PRELID2: variants seen among roughly 807,000 people sequenced by gnomAD.
The protein encoded by PRELID2 is PRELI domain containing 2, also known as PRELI domain-containing protein 2.
In PRELID2, 25 loss-of-function variants were observed where a neutral mutation model predicts 28.4. The observed-to-expected ratio is 0.88, with a 90% CI of 0.64 to 1.23. The LOEUF is 1.23. PRELID2 is among the 50% of genes most tolerant of loss of function. The pLI is 0.00. For synonymous variants in PRELID2, 76 were observed against 71.6 expected, an observed-to-expected ratio of 1.06 and a Z score of -0.31; for missense variants, 201 against 214.4, an observed-to-expected ratio of 0.94 and a Z score of 0.39.
chr5:145,635,547 T>C (rs896710926), intron 1 of PRELID2, among the ~76,000 whole-genome samples: 1 of 152,210 alleles, frequency 6.6e-6, no homozygotes, highest in Admixed American at 6.5e-5. Context: ...ATTTAATTTA[T>C]GTAAGCTGAC....
chr5:145,740,840 CGATAAATATA>C (rs1756676488), intron 1 of PRELID2, among the ~76,000 whole-genome samples: 1 of 104,976 alleles, frequency 9.5e-6, no homozygotes, highest in Non-Finnish European at 1.8e-5. Context: ...ATATATTTAT[CGATAAATATA>C]TATGTACATA....
At chr5:145,534,329 G>A (rs1019937447) in intron 1 of PRELID2, among the ~76,000 whole-genome samples, 6 of 151,906 alleles carry the variant, frequency 3.9e-5, no homozygotes, top group African/African-American at 1.5e-4. Context: ...CAGGAAATGT[G>A]TATTTTATGA....
chr5:145,552,177 G>T (rs79455422), intron 1 of PRELID2, among the ~76,000 whole-genome samples: 8,984 of 152,052 alleles, frequency 0.059, 892 homozygotes, highest in African/African-American at 0.2. Flanking sequence ...AACAGCCTCC[G>T]GATCACACAT....
At chr5:145,444,959 G>A in the PRELID2 span, among the ~76,000 whole-genome samples, 1 of 151,928 alleles carries the variant, frequency 6.6e-6, no homozygotes, top group African/African-American at 2.4e-5. Context: ...TATTACCCAA[G>A]CAATATATAG....
the PRELID2 span, among the ~76,000 whole-genome samples, chr5:145,265,736 G>A: frequency 6.6e-6 from 1 of 152,162 alleles, no homozygotes; most frequent in African/African-American, 2.4e-5. Context: ...AACAAATGGT[G>A]CTGGGATAAT....
chr5:145,408,438 C>CATATATATGTATAATATATATGTATAAT, the PRELID2 span, among the ~76,000 whole-genome samples: 7 of 141,940 alleles, frequency 4.9e-5, no homozygotes, highest in Non-Finnish European at 1.1e-4. Flanking sequence ...ATATGTATAA[C>CATATATATGTATAATATATATGTATAAT]ATATATATGT....
At chr5:145,671,773 C>A (rs936464043) in intron 1 of PRELID2, among the ~76,000 whole-genome samples, 1 of 152,124 alleles carries the variant, frequency 6.6e-6, no homozygotes, top group African/African-American at 2.4e-5. Flanking sequence ...TAAGATATAA[C>A]CTATTCTCCA....
intron 1 of PRELID2, among the ~76,000 whole-genome samples, chr5:145,484,416 G>C (rs1752195293): frequency 6.6e-6 from 1 of 152,180 alleles, no homozygotes; most frequent in Non-Finnish European, 1.5e-5. Context: ...CTCATAGACT[G>C]ACTCATAGAC....
chr5:145,431,257 T>C, the PRELID2 span, among the ~76,000 whole-genome samples: 1 of 152,052 alleles, frequency 6.6e-6, no homozygotes, highest in South Asian at 2.1e-4. Flanking sequence ...AGTTTTTAAG[T>C]AGTAATGTTC....
At chr5:145,434,531 G>A in the PRELID2 span, among the ~76,000 whole-genome samples, 2 of 152,118 alleles carry the variant, frequency 1.3e-5, no homozygotes, top group Non-Finnish European at 2.9e-5. Flanking sequence ...AACAGCCATC[G>A]AGGAATCATT....
At chr5:145,620,733 G>A (rs923575812) in intron 1 of PRELID2, among the ~76,000 whole-genome samples, 21 of 108,954 alleles carry the variant, frequency 1.9e-4, no homozygotes, top group Non-Finnish European at 3.5e-4. Context: ...CAGCTACGTG[G>A]GTGGCTAAGG....
intron 1 of PRELID2, among the ~76,000 whole-genome samples, chr5:145,713,990 T>TA (rs535933406): frequency 2.8e-5 from 4 of 145,210 alleles, no homozygotes; most frequent in Non-Finnish European, 4.6e-5. Flanking sequence ...AAACAAAAAC[T>TA]AAAAAAAAAA....
At chr5:145,358,809 T>C in the PRELID2 span, among the ~76,000 whole-genome samples, 1 of 152,220 alleles carries the variant, frequency 6.6e-6, no homozygotes, top group Non-Finnish European at 1.5e-5. Flanking sequence ...AAAATCATGA[T>C]TGGCAAATTC....
At chr5:145,576,746 G>C (rs1046467678) in intron 1 of PRELID2, among the ~76,000 whole-genome samples, 1 of 151,710 alleles carries the variant, frequency 6.6e-6, no homozygotes, top group Admixed American at 6.6e-5. Context: ...TCAAACAGTA[G>C]TAGTATAGTA....
the PRELID2 span, among the ~76,000 whole-genome samples, chr5:145,344,295 A>G: frequency 1.4e-4 from 22 of 152,198 alleles, no homozygotes; most frequent in African/African-American, 5.3e-4. Context: ...TATCAGAAAG[A>G]TAACACATCA....
At chr5:145,600,434 A>AT (rs1554078383) in intron 1 of PRELID2, among the ~76,000 whole-genome samples, 2,250 of 119,940 alleles carry the variant, frequency 0.019, 31 homozygotes, top group East Asian at 0.044. Flanking sequence ...AAAAAAAAAA[A>AT]ATATATATAT....
At chr5:145,478,958 C>G (rs996759891) in intron 1 of PRELID2, among the ~76,000 whole-genome samples, 5 of 152,144 alleles carry the variant, frequency 3.3e-5, no homozygotes, top group African/African-American at 1.2e-4. Context: ...GCTTTGACCT[C>G]TAACAATACC....
the PRELID2 span, among the ~76,000 whole-genome samples, chr5:145,255,527 G>A: frequency 6.6e-6 from 1 of 151,960 alleles, no homozygotes; most frequent in Non-Finnish European, 1.5e-5. Flanking sequence ...TAATCCCAAT[G>A]CTTTGGGAGG....
At chr5:145,230,155 AGCT>A in the PRELID2 span, 2 of 448,594 alleles carry the variant, frequency 4.5e-6, no homozygotes, top group Non-Finnish European at 8.4e-6. Flanking sequence ...TGTTCTCCCC[AGCT>A]GGCAACCTAG....
Sources: gnomAD v4.1 joint callset for allele counts (sites outside exome capture counted in the v4.1 genomes callset) on GRCh38, gnomAD v4.1.1 for gene constraint, MANE v1.5 for transcripts, NCBI Gene and HGNC (gene_info 2026-07-23, HGNC 2026-07-21) for gene names.